PDE8B: variants seen among roughly 807,000 people sequenced by gnomAD.
PDE8B encodes high affinity cAMP-specific and IBMX-insensitive 3',5'-cyclic phosphodiesterase 8B.
PDE8B carries 26 observed loss-of-function variants against 101.3 expected under a neutral mutation model. The ratio of observed to expected loss-of-function variants is 0.26; its 90% CI spans 0.19 to 0.36. The LOEUF (loss-of-function observed/expected upper bound fraction) is 0.36, where lower values mean the gene tolerates loss of function less well. PDE8B is among the 10% of genes least tolerant of loss of function. The probability of loss-of-function intolerance (pLI) is 1.00; values close to 1 mark genes in which losing one functional copy is unlikely to be tolerated. For missense variants in PDE8B, 810 were observed against 1,163.1 expected (o/e 0.70, Z 4.42); for synonymous variants, 424 against 429.3 (o/e 0.99, Z 0.15).
chr5:77,392,924 G>C (rs1436546959), intron 10 of PDE8B, among the ~76,000 whole-genome samples: 1 of 152,112 alleles, frequency 6.6e-6, no homozygotes, highest in Non-Finnish European at 1.5e-5. Context: ...TTAATAATTT[G>C]AATAGTAGAA....
At chr5:77,276,849 G>T (rs1763948027) in intron 1 of PDE8B, among the ~76,000 whole-genome samples, 2 of 152,176 alleles carry the variant, frequency 1.3e-5, no homozygotes, top group Admixed American at 1.3e-4. Flanking sequence ...TCCTCACTGT[G>T]AAGTGTCCTT....
chr5:77,257,945 A>G (rs1271156969), intron 1 of PDE8B, among the ~76,000 whole-genome samples: 4 of 152,158 alleles, frequency 2.6e-5, no homozygotes, highest in Non-Finnish European at 5.9e-5. Context: ...TATTCAGGGC[A>G]AAAGAAAAGT....
chr5:77,337,241 T>A lies in PDE8B; in HGVS notation c.723T>A (p.Asn241Lys). 6.3e-7 allele frequency: 1 copy of A among 1,578,844 alleles called. No homozygotes were observed. The highest frequency in any genetic ancestry group is 8.7e-7 in the Non-Finnish European group (1 of 1,150,294). The change falls in exon 6 of 22, where the codon AAT (asparagine) becomes AAA (lysine). Residue 241 changes from asparagine (N) to lysine (K), a missense_variant. Transcript: ENST00000264917. ...HAGFNRRFME[N>K]SSIIACYNEL... ...TTTCTTTTCAGAGATTTATGGAGAA[T>A]AGCAGCATAATTGCTTGCTATAATG...
At chr5:77,181,275 G>C in the PDE8B span, among the ~76,000 whole-genome samples, 1 of 152,150 alleles carries the variant, frequency 6.6e-6, no homozygotes. Context: ...CTGCGGGGTC[G>C]CAGGAAAGTG....
At chr5:77,324,444 G>T (rs1775681552) in intron 2 of PDE8B, among the ~76,000 whole-genome samples, 1 of 152,126 alleles carries the variant, frequency 6.6e-6, no homozygotes, top group Admixed American at 6.5e-5. Flanking sequence ...ATACATAAAT[G>T]AGCTCAGGTG....
chr5:77,288,422 C>T (rs901897608), intron 1 of PDE8B, among the ~76,000 whole-genome samples: 2 of 152,100 alleles, frequency 1.3e-5, no homozygotes, highest in Admixed American at 6.5e-5. Context: ...CAAAGTCTCA[C>T]TGCACTGGTA....
chr5:77,247,321 C>T (rs1757147011), intron 1 of PDE8B, among the ~76,000 whole-genome samples: 1 of 152,192 alleles, frequency 6.6e-6, no homozygotes, highest in African/African-American at 2.4e-5. Flanking sequence ...CTCTGTTCCG[C>T]AGCAGGAGGT....
chr5:77,180,059 A>T, the PDE8B span, among the ~76,000 whole-genome samples: 1 of 152,172 alleles, frequency 6.6e-6, no homozygotes, highest in Non-Finnish European at 1.5e-5. Context: ...AACGAGAGGA[A>T]AGTGGAGACC....
chr5:77,164,032 TA>T, the PDE8B span, among the ~76,000 whole-genome samples: 1 of 152,258 alleles, frequency 6.6e-6, no homozygotes, highest in African/African-American at 2.4e-5. Context: ...GATGAAATTC[TA>T]AATAGCTCAA....
chr5:77,159,796 C>T, the PDE8B span, among the ~76,000 whole-genome samples: 1 of 152,050 alleles, frequency 6.6e-6, no homozygotes, highest in African/African-American at 2.4e-5. Flanking sequence ...CTGGAGCCTG[C>T]CTAGGATATG....
chr5:77,211,332 G>A lies in PDE8B; in HGVS notation c.339+68G>A. On this transcript the variant is annotated intron_variant, in intron 1 of 21. Transcript: ENST00000264917. This position sits in a 1 kb window ranked among gnomAD's most constrained non-coding sequence, Gnocchi z 4.1. ...CCGTCGGCGGGGCTCGCACGGGTAG[G>A]GGGCTCCGGCGGAGTTGGGTGACCG... 6.9e-7 allele frequency: 1 copy of A among 1,447,818 alleles called. No homozygotes were observed. The highest frequency in any genetic ancestry group is 9.2e-7 in the Non-Finnish European group (1 of 1,085,546). 89.7% of individuals were successfully genotyped at this position (1,447,818 alleles called of 1,614,324 possible). A position where few individuals can be genotyped will look rare whatever the true frequency, so the allele number is the denominator to read the frequency against.
chr5:77,193,310 A>T, the PDE8B span, among the ~76,000 whole-genome samples: 1 of 152,088 alleles, frequency 6.6e-6, no homozygotes, highest in African/African-American at 2.4e-5. Context: ...AAATTCTACG[A>T]TCCATTTCAA....
rs1382627142 is a variant in PDE8B, at chr5:77,367,158, C to CACAG, written c.1167+13755_1167+13756insGACA. On this transcript the variant is annotated intron_variant, in intron 10 of 21. Transcript: ENST00000264917. Reference sequence around the variant, plus strand: ...GCTAAAACATTGTTTTCTCAAAACACACACACACACACACACACACACACA... The same window carrying CACAG: ...GCTAAAACATTGTTTTCTCAAAACACACAGACACACACACACACACACACACACA... Among the ~76,000 whole-genome samples the CACAG allele has an allele frequency of 2.7e-3, 393 of 145,456 alleles. 2 individuals carry two copies. The highest frequency in any genetic ancestry group is 8.2e-3 in the African/African-American group (313 of 38,252).
intron 1 of PDE8B, among the ~76,000 whole-genome samples, chr5:77,289,406 C>G (rs2149923616): frequency 6.6e-6 from 1 of 152,272 alleles, no homozygotes; most frequent in African/African-American, 2.4e-5. Flanking sequence ...GAATTAGATA[C>G]TGGGAATAAA....
At chr5:77,345,800 G>A (rs1273622637) in intron 7 of PDE8B, among the ~76,000 whole-genome samples, 2 of 152,208 alleles carry the variant, frequency 1.3e-5, no homozygotes, top group African/African-American at 4.8e-5. Context: ...GGCATGGAGT[G>A]TGAGGAGCAC....
At chr5:77,269,668 G>T (rs745612401) in intron 1 of PDE8B, among the ~76,000 whole-genome samples, 3 of 152,148 alleles carry the variant, frequency 2.0e-5, no homozygotes, top group Non-Finnish European at 2.9e-5. Flanking sequence ...GAGAGATAGG[G>T]TTCTAGTTCC....
the PDE8B span, among the ~76,000 whole-genome samples, chr5:77,128,157 A>G: frequency 1.3e-5 from 2 of 152,186 alleles, no homozygotes; most frequent in South Asian, 2.1e-4. Flanking sequence ...GACCATAGTT[A>G]CCACTTGACC....
chr5:77,325,996 G>T (rs1775984289), intron 3 of PDE8B, among the ~76,000 whole-genome samples: 1 of 152,136 alleles, frequency 6.6e-6, no homozygotes, highest in Non-Finnish European at 1.5e-5. Context: ...CCCCCACCCT[G>T]TGTATTGCTC....
At chr5:77,202,433 G>A in the PDE8B span, among the ~76,000 whole-genome samples, 1 of 152,142 alleles carries the variant, frequency 6.6e-6, no homozygotes, top group Admixed American at 6.5e-5. Context: ...TGAAAAGAAT[G>A]AAGACCTTAA....
Sources: gnomAD v4.1 joint callset for allele counts (sites outside exome capture counted in the v4.1 genomes callset) on GRCh38, gnomAD v4.1.1 for gene constraint, Gnocchi (gnomAD v3.1) non-coding constraint, MANE v1.5 for transcripts, NCBI Gene and HGNC (gene_info 2026-07-23, HGNC 2026-07-21) for gene names.